Variants in GALNT18 observed in about 807,000 individuals in gnomAD.
GALNT18 encodes the protein polypeptide N-acetylgalactosaminyltransferase 18, also known as GalNAc-transferase 18.
A neutral mutation model predicts 69.5 loss-of-function variants in GALNT18; 44 were observed. That is an observed-to-expected ratio of 0.63 (90% CI 0.50 to 0.81). GALNT18 has a LOEUF of 0.81. Ranked by LOEUF, GALNT18 falls within the 40% of genes least tolerant of loss-of-function variation. The pLI, the probability that GALNT18 is intolerant of heterozygous loss-of-function variation, is 0.00. For missense variants in GALNT18, 715 were observed against 810.0 expected (o/e 0.88, Z 1.42); for synonymous variants, 364 against 318.2 (o/e 1.14, Z -1.53).
At chr11:11,301,027 C>A (rs1849485081) in intron 9 of GALNT18, among the ~76,000 whole-genome samples, 1 of 152,150 alleles carries the variant, frequency 6.6e-6, no homozygotes, top group Admixed American at 6.5e-5. Context: ...GAAGGGGGAA[C>A]TTATCCCTAT....
intron 1 of GALNT18, among the ~76,000 whole-genome samples, chr11:11,533,763 G>A (rs1349582647): frequency 1.3e-5 from 2 of 152,202 alleles, no homozygotes; most frequent in Admixed American, 6.5e-5. Context: ...GCCTGCCCTG[G>A]TGCATGTCTG....
At chr11:11,506,896 T>A (rs1857078550) in intron 1 of GALNT18, among the ~76,000 whole-genome samples, 1 of 152,104 alleles carries the variant, frequency 6.6e-6, no homozygotes, top group Non-Finnish European at 1.5e-5. Context: ...CTATGTCCCT[T>A]CCCAAACCAC....
chr11:11,459,821 T>A lies in GALNT18; in HGVS notation c.236-10885A>T, dbSNP rs955074100. Among the ~76,000 whole-genome samples, 2 of 152,226 alleles carry A rather than the reference T, an allele frequency of 1.3e-5. No individual in the cohort carries two copies. The highest frequency in any genetic ancestry group is 6.5e-5 in the Admixed American group (1 of 15,286). On this transcript the variant is annotated intron_variant, in intron 1 of 10. Transcript: ENST00000227756. This position sits in a 1 kb window ranked among gnomAD's most constrained non-coding sequence, Gnocchi z 5.0. ...ACTTAGTAGCTTGACAATGCAGACA[T>A]GCTATCTTACAGTTCTGAAAGTAAG...
In GALNT18 at chr11:11,603,512, C is replaced by T. The variant is rs1280968309; in HGVS notation, c.235+17847G>A. Among the ~76,000 whole-genome samples the T allele has an allele frequency of 1.3e-5, 2 of 152,154 alleles. No homozygotes were observed. Among genetic ancestry groups the T allele is most frequent in the African/African-American group, 2.4e-5 (1 of 41,426 alleles). ...GTTTTGAAATGATACACAGCACCCA[C>T]CCCCTCAACCATCAGAGCAACATAC... On this transcript the variant is annotated intron_variant, in intron 1 of 10. Transcript: ENST00000227756. The surrounding 1 kb of genome is among the most constrained non-coding windows in gnomAD (Gnocchi z 4.5).
intron 3 of GALNT18, among the ~76,000 whole-genome samples, chr11:11,384,779 T>A (rs973079362): frequency 3.3e-5 from 5 of 152,160 alleles, no homozygotes; most frequent in African/African-American, 4.8e-5. Context: ...CTGAGAGAAA[T>A]AAACATCTGT....
chr11:11,511,381 C>A lies in GALNT18; in HGVS notation c.236-62445G>T, dbSNP rs574066802. Among the ~76,000 whole-genome samples the A allele has an allele frequency of 9.2e-5, 14 of 152,228 alleles. No individual in the cohort carries two copies. Among genetic ancestry groups the A allele is most frequent in the African/African-American group, 2.9e-4 (12 of 41,550 alleles). The stretch of plus-strand genomic sequence containing the variant: ...AGCTACAGCTCAAGGTTGCTGTGTC[C>A]CCGCAGCCAAGGCTGAAGCATGACC... On this transcript the variant is annotated intron_variant, in intron 1 of 10. Transcript: ENST00000227756. This position sits in a 1 kb window ranked among gnomAD's most constrained non-coding sequence, Gnocchi z 4.9.
intron 1 of GALNT18, among the ~76,000 whole-genome samples, chr11:11,579,269 T>C (rs1214257008): frequency 6.6e-6 from 1 of 152,082 alleles, no homozygotes; most frequent in Admixed American, 6.5e-5. Context: ...GTCTGCTGGA[T>C]CTAGGGAGCC....
chr11:11,468,670 C>T (rs1402235157), intron 1 of GALNT18, among the ~76,000 whole-genome samples: 4 of 152,162 alleles, frequency 2.6e-5, no homozygotes, highest in Non-Finnish European at 4.4e-5. Flanking sequence ...CATTGAGCCC[C>T]ACTTTCCTGA....
chr11:11,530,886 AAG>A (rs1372055665), intron 1 of GALNT18, among the ~76,000 whole-genome samples: 1 of 152,204 alleles, frequency 6.6e-6, no homozygotes, highest in African/African-American at 2.4e-5. Flanking sequence ...AGGATTGGAA[AAG>A]AGCAGAGCCA....
At chr11:11,292,915 C>A (rs1849327996) in intron 10 of GALNT18, 114 bp downstream of exon 10, 1 of 951,864 alleles carries the variant, frequency 1.1e-6, no homozygotes, top group Admixed American at 3.3e-5. Flanking sequence ...CTCACTACTG[C>A]CAGTCTGTCT....
At chr11:11,295,481 G>A (rs190183539) in intron 9 of GALNT18, among the ~76,000 whole-genome samples, 150 of 152,178 alleles carry the variant, frequency 9.9e-4, no homozygotes, top group Middle Eastern at 3.4e-3. Flanking sequence ...CTGAGAGGAG[G>A]GCTTTGGGGT....
At chr11:11,522,445 AG>A (rs1241824505) in intron 1 of GALNT18, among the ~76,000 whole-genome samples, 1 of 152,088 alleles carries the variant, frequency 6.6e-6, no homozygotes, top group Non-Finnish European at 1.5e-5. Flanking sequence ...GATTTTTTGT[AG>A]TTGTTTCTGA....
rs1356851155 is a variant in GALNT18, at chr11:11,372,780, C to T, written c.978-151G>A. ...CTTGTTCTTGGAGTGGCCCCTGGGT[C>T]TGGCCTCACCCAACCACTCCAGAAA... On this transcript the variant is annotated intron_variant, in intron 5 of 10. Coordinates refer to ENST00000227756, the MANE Select transcript of GALNT18 (RefSeq NM_198516.3). This position sits in a 1 kb window ranked among gnomAD's most constrained non-coding sequence, Gnocchi z 4.9. The T allele has an allele frequency of 4.6e-6, 3 of 657,768 alleles. No homozygotes were observed. The highest frequency in any genetic ancestry group is 8.0e-6 in the Non-Finnish European group (3 of 372,818). 40.7% of individuals were successfully genotyped at this position (657,768 alleles called of 1,614,324 possible).
Position 11,586,582 on chromosome 11 carries a change from G to C in GALNT18, c.235+34777C>G, listed in dbSNP as rs1234345000. On this transcript the variant is annotated intron_variant, in intron 1 of 10. Transcript: ENST00000227756. This position sits in a 1 kb window ranked among gnomAD's most constrained non-coding sequence, Gnocchi z 4.1. ...AAACCACCAGGAACCCTTTTGCTTA[G>C]GCTGTAGTCAGGACATAGTTGATCT... 1.3e-5 allele frequency among the ~76,000 whole-genome samples: 2 copies of C among 152,110 alleles called. No individual in the cohort carries two copies. Among genetic ancestry groups the C allele is most frequent in the African/African-American group, 4.8e-5 (2 of 41,392 alleles).
intron 6 of GALNT18, among the ~76,000 whole-genome samples, chr11:11,343,347 C>G (rs983601151): frequency 6.6e-6 from 1 of 151,350 alleles, no homozygotes; most frequent in Non-Finnish European, 1.5e-5. Flanking sequence ...GAGACCCTGT[C>G]TCAAAAAATA....
chr11:11,569,247 GAAA>G (rs11426572), intron 1 of GALNT18, among the ~76,000 whole-genome samples: 4 of 136,156 alleles, frequency 2.9e-5, no homozygotes, highest in African/African-American at 2.7e-5. Context: ...AGGCTGAAGG[GAAA>G]AAAAAAAAAA....
At chr11:11,411,995 G>C (rs995721841) in intron 3 of GALNT18, among the ~76,000 whole-genome samples, 1 of 152,092 alleles carries the variant, frequency 6.6e-6, no homozygotes, top group African/African-American at 2.4e-5. Context: ...CCTGGAAACA[G>C]AAATTTCAAA....
rs138340847 is a variant in GALNT18, at chr11:11,379,095, C to T, written c.765G>A (p.Glu255=). 18 of 1,603,832 alleles carry T rather than the reference C, an allele frequency of 1.1e-5. No individual in the cohort carries two copies. The African/African-American group carries it at 2.1e-4, about 19-fold the overall frequency. Residue 255 remains glutamate (E), a synonymous_variant, in exon 4 of 11, where the codon GAG becomes GAA. Transcript: ENST00000227756. Reference sequence around the variant, plus strand: ...GGGGCACTTACCAGCCCACATTGAACTCCACGTGGGCATCAAAGAGTGCCA... The same window carrying T: ...GGGGCACTTACCAGCCCACATTGAATTCCACGTGGGCATCAAAGAGTGCCA... ...PVVALFDAHV[E]FNVGWAEPVL...
At chr11:11,376,383 A>G (rs1853758831) in intron 5 of GALNT18, among the ~76,000 whole-genome samples, 2 of 152,096 alleles carry the variant, frequency 1.3e-5, no homozygotes, top group African/African-American at 4.8e-5. Flanking sequence ...CTCCGTCTCA[A>G]AAACAAAAAC....
Sources: gnomAD v4.1 joint callset for allele counts (sites outside exome capture counted in the v4.1 genomes callset) on GRCh38, gnomAD v4.1.1 for gene constraint, Gnocchi (gnomAD v3.1) non-coding constraint, MANE v1.5 for transcripts, NCBI Gene and HGNC (gene_info 2026-07-23, HGNC 2026-07-21) for gene names.